Variants in ZSWIM9 observed in about 807,000 individuals in gnomAD.
ZSWIM9 encodes uncharacterized protein ZSWIM9.
In ZSWIM9, 11 loss-of-function variants were observed where a neutral mutation model predicts 25.0. The ratio of observed to expected loss-of-function variants is 0.44; its 90% CI spans 0.28 to 0.73. The LOEUF (loss-of-function observed/expected upper bound fraction) is 0.73, where lower values mean the gene tolerates loss of function less well. ZSWIM9 is among the 30% of genes least tolerant of loss of function. ZSWIM9 has a pLI of 0.16. For synonymous variants in ZSWIM9, 562 were observed against 582.1 expected (o/e 0.97, Z 0.50); for missense variants, 1,070 against 1,296.5 (o/e 0.83, Z 2.68).
chr19:48,176,274 TAAAA>T (rs1218232362), intron 2 of ZSWIM9, among the ~76,000 whole-genome samples: 1 of 152,088 alleles, frequency 6.6e-6, no homozygotes, highest in Admixed American at 6.6e-5. Flanking sequence ...AAAAAAAGTT[TAAAA>T]AAATAGCAGG....
At chr19:48,175,864 C>T (rs373746549) in intron 2 of ZSWIM9, among the ~76,000 whole-genome samples, 1 of 152,324 alleles carries the variant, frequency 6.6e-6, no homozygotes, top group East Asian at 1.9e-4. Flanking sequence ...TTTCTCAATA[C>T]ACACCGGCCG....
Position 48,182,404 on chromosome 19 carries a change from G to A in ZSWIM9, c.276-51G>A. 2 of 1,318,390 alleles carry A rather than the reference G, an allele frequency of 1.5e-6. No homozygotes were observed. The highest frequency in any genetic ancestry group is 2.4e-4 in the Middle Eastern group (1 of 4,168). 81.7% of individuals were successfully genotyped at this position (1,318,390 alleles called of 1,614,324 possible). ...AAAAAAAAAGGTGAGTGGAAAGGAA[G>A]AAGAGGGCAGCAGAGTGATGTGACC... On this transcript the variant is annotated intron_variant, in intron 2 of 3. Coordinates refer to ENST00000614654, the MANE Select transcript of ZSWIM9 (RefSeq NM_199341.4). The surrounding 1 kb of genome is among the most constrained non-coding windows in gnomAD (Gnocchi z 4.6).
rs1324853832 is a variant in ZSWIM9, at chr19:48,197,488, G to A, written c.*661G>A. The A allele has an allele frequency of 1.7e-6, 1 of 577,846 alleles. No homozygotes were observed. The highest frequency in any genetic ancestry group is 3.1e-6 in the Non-Finnish European group (1 of 324,694). 35.8% of individuals were successfully genotyped at this position (577,846 alleles called of 1,614,324 possible). A position where few individuals can be genotyped will look rare whatever the true frequency, so the allele number is the denominator to read the frequency against. On this transcript the variant is annotated 3_prime_UTR_variant, in exon 4 of 4. Coordinates refer to ENST00000614654, the MANE Select transcript of ZSWIM9 (RefSeq NM_199341.4). ...GGTTTTGGTTTTTCTCCAAGACCTGGAGACATCGACCCCCATCGCCTTCTG... is the reference window on the plus strand; with the variant it reads ...GGTTTTGGTTTTTCTCCAAGACCTGAAGACATCGACCCCCATCGCCTTCTG...
intron 3 of ZSWIM9, among the ~76,000 whole-genome samples, chr19:48,190,874 T>C (rs906639048): frequency 2.0e-5 from 3 of 152,246 alleles, no homozygotes; most frequent in South Asian, 2.1e-4. Context: ...TGGGGTGTTA[T>C]AGTAACAGCT....
chr19:48,170,794 T>C (rs1239742913), intron 1 of ZSWIM9, 80 bp downstream of exon 1: 2 of 64,762 alleles, frequency 3.1e-5, no homozygotes, highest in Non-Finnish European at 5.8e-5. Flanking sequence ...GGCTGGAAGG[T>C]GCCGCAGCGG....
rs370926783 is a variant in ZSWIM9 at position 48,181,096 on chromosome 19, A to G, written c.276-1359A>G. ...AGCCACCATGCCTGGCCAAAAACAAAGTTTTTTCGAAGTAGACTTTTAAAA... is the reference window on the plus strand; with the variant it reads ...AGCCACCATGCCTGGCCAAAAACAAGGTTTTTTCGAAGTAGACTTTTAAAA... On this transcript the variant is annotated intron_variant, in intron 2 of 3. Coordinates refer to ENST00000614654, the MANE Select transcript of ZSWIM9 (RefSeq NM_199341.4). 5 of 151,990 alleles carry G rather than the reference A, an allele frequency of 3.3e-5. No homozygotes were observed. The East Asian group carries it at 9.7e-4, about 29-fold the overall frequency. 9.4% of individuals were successfully genotyped at this position (151,990 alleles called of 1,614,324 possible).
At chr19:48,171,163 A>C (rs2036797330) in intron 1 of ZSWIM9, 4 of 906,190 alleles carry the variant, frequency 4.4e-6, no homozygotes, top group Non-Finnish European at 5.3e-6. Flanking sequence ...CTACAGCTGC[A>C]TGTGGCGAGC....
rs11373236 is a variant in ZSWIM9, at chr19:48,182,373, T to TAA, written c.276-69_276-68dup. On this transcript the variant is annotated intron_variant, in intron 2 of 3. Coordinates refer to ENST00000614654, the MANE Select transcript of ZSWIM9 (RefSeq NM_199341.4). This position sits in a 1 kb window ranked among gnomAD's most constrained non-coding sequence, Gnocchi z 4.6. The stretch of plus-strand genomic sequence containing the variant: ...TCTATGCCTGAAACAATTCTTAGTT[T>TAA]AAAAAAAAAAAAAAGGTGAGTGGAA... 110,658 of 1,018,450 alleles carry TAA rather than the reference T, an allele frequency of 0.11. 2,844 individuals carry two copies. The highest frequency in any genetic ancestry group is 0.28 in the African/African-American group (16,250 of 58,074). The allele number at this position is 1,018,450 out of a possible 1,614,324, so 63.1% of individuals were successfully genotyped here. A position where few individuals can be genotyped will look rare whatever the true frequency, so the allele number is the denominator to read the frequency against.
intron 2 of ZSWIM9, among the ~76,000 whole-genome samples, chr19:48,180,612 C>T (rs1288611847): frequency 3.3e-5 from 5 of 152,176 alleles, no homozygotes; most frequent in Non-Finnish European, 5.9e-5. Flanking sequence ...TTAATTTCAT[C>T]ACACCCGCAA....
chr19:48,171,204 A>G (rs1253999605), intron 1 of ZSWIM9: 2 of 985,094 alleles, frequency 2.0e-6, no homozygotes, highest in Admixed American at 6.2e-5. Flanking sequence ...AAGGGGCAAC[A>G]GCTGCACGCC....
Position 48,187,508 on chromosome 19 carries a change from ATATTATATATATTATATATTATATTAT to A in ZSWIM9, c.588+4750_588+4776del, listed in dbSNP as rs1568579596. ...ATATTATATTATAATATATTATATT[ATATTATATATATTATATATTATATTAT>A]TATTATATTATATTATATATATTAT... On this transcript the variant is annotated intron_variant, in intron 3 of 3. Transcript: ENST00000614654. Among the ~76,000 whole-genome samples, 12 of 86,784 alleles carry A rather than the reference ATATTATATATATTATATATTATATTAT, an allele frequency of 1.4e-4. No homozygotes were observed. The East Asian group carries it at 3.3e-3, about 24-fold the overall frequency. The allele number at this position is 86,784 out of a possible 152,430, so 56.9% of individuals were successfully genotyped here.
At position 48,172,015 on chromosome 19, in the gene ZSWIM9, C is replaced by G. The variant is rs1051600502; in HGVS notation, c.213C>G (p.Leu71=). 2 of 1,535,394 alleles carry G rather than the reference C, an allele frequency of 1.3e-6. No homozygotes were observed. Among genetic ancestry groups the G allele is most frequent in the African/African-American group, 2.7e-5 (2 of 73,014 alleles). Residue 71 remains leucine (L), a synonymous_variant, in exon 2 of 4, where the codon CTC becomes CTG. Coordinates refer to ENST00000614654, the MANE Select transcript of ZSWIM9 (RefSeq NM_199341.4). ...CGCTCTACACGCTCATCGACGTGCT[C>G]AAGTACAGCTACGTGCGGCTTGTGT... ...APPLYTLIDV[L]KYSYVRLVCK... is the part of the protein sequence containing the mutation.
In ZSWIM9 at chr19:48,171,783, C is replaced by T. The variant is rs1236305812; in HGVS notation, c.-9-11C>T. The T allele has an allele frequency of 6.6e-7, 1 of 1,524,776 alleles. No individual in the cohort carries two copies. The highest frequency in any genetic ancestry group is 2.5e-5 in the East Asian group (1 of 40,738). The allele number at this position is 1,524,776 out of a possible 1,614,324, so 94.5% of individuals were successfully genotyped here. A position where few individuals can be genotyped will look rare whatever the true frequency, so the allele number is the denominator to read the frequency against. On this transcript the variant is annotated splice_polypyrimidine_tract_variant and intron_variant, in intron 1 of 3. Coordinates refer to ENST00000614654, the MANE Select transcript of ZSWIM9 (RefSeq NM_199341.4). ...GTCTGATATCCACCTGTTCTCCCCT[C>T]CTCCACGCAGGCCCCCAGGATGGAG...
At chr19:48,173,395 T>C (rs906307414) in intron 2 of ZSWIM9, among the ~76,000 whole-genome samples, 8 of 152,104 alleles carry the variant, frequency 5.3e-5, no homozygotes, top group African/African-American at 1.9e-4. Context: ...AACTCCTGGG[T>C]TCAAGAGATT....
In ZSWIM9 at chr19:48,196,990, G is replaced by C; in HGVS notation, c.*163G>C. On this transcript the variant is annotated 3_prime_UTR_variant, in exon 4 of 4. Coordinates refer to ENST00000614654, the MANE Select transcript of ZSWIM9 (RefSeq NM_199341.4). ...TGGCAGTTTGCCTCTCTGGGTCCAA[G>C]GGCAAGCTGTAAGTGGTCTCTGAGG... 1.5e-6 allele frequency: 1 copy of C among 672,214 alleles called. No homozygotes were observed. Among genetic ancestry groups the C allele is most frequent in the Non-Finnish European group, 2.2e-6 (1 of 444,508 alleles). 41.6% of individuals were successfully genotyped at this position (672,214 alleles called of 1,614,324 possible).
chr19:48,189,853 T>C (rs1337959672), intron 3 of ZSWIM9, among the ~76,000 whole-genome samples: 1 of 152,188 alleles, frequency 6.6e-6, no homozygotes, highest in Non-Finnish European at 1.5e-5. Flanking sequence ...TTACATTATT[T>C]GACTTTAGGA....
At chr19:48,179,954 C>T (rs910191025) in intron 2 of ZSWIM9, among the ~76,000 whole-genome samples, 117 of 152,302 alleles carry the variant, frequency 7.7e-4, no homozygotes, top group Middle Eastern at 3.4e-3. Flanking sequence ...GAATCTGCTT[C>T]CTTATCCTTC....
Position 48,197,424 on chromosome 19 carries a change from A to C in ZSWIM9, c.*597A>C. Reference sequence around the variant, plus strand: ...AAAAATCGGAGATGAGACAAAAGAAATGTGTGGGAGACGGGTAGAGACGAA... The same window carrying C: ...AAAAATCGGAGATGAGACAAAAGAACTGTGTGGGAGACGGGTAGAGACGAA... On this transcript the variant is annotated 3_prime_UTR_variant, in exon 4 of 4. Coordinates refer to ENST00000614654, the MANE Select transcript of ZSWIM9 (RefSeq NM_199341.4). 6.9e-5 allele frequency: 41 copies of C among 592,670 alleles called. No homozygotes were observed. Among genetic ancestry groups the C allele is most frequent in the Middle Eastern group, 4.3e-4 (1 of 2,350 alleles). The allele number at this position is 592,670 out of a possible 1,614,324, so 36.7% of individuals were successfully genotyped here.
chr19:48,172,172 T>G, intron 2 of ZSWIM9, 95 bp downstream of exon 2: 21 of 1,285,868 alleles, frequency 1.6e-5, no homozygotes, highest in Non-Finnish European at 2.1e-5. Flanking sequence ...CACCCAGAGA[T>G]GCAGAGGGGG....
Sources: gnomAD v4.1 joint callset for allele counts (sites outside exome capture counted in the v4.1 genomes callset) on GRCh38, gnomAD v4.1.1 for gene constraint, Gnocchi (gnomAD v3.1) non-coding constraint, MANE v1.5 for transcripts, NCBI Gene and HGNC (gene_info 2026-07-23, HGNC 2026-07-21) for gene names.